The following ARHGEF3 variants were observed in gnomAD, a reference collection of about 807,000 sequenced individuals.
ARHGEF3 encodes the protein 59.8 kDA protein.
ARHGEF3 carries 28 observed loss-of-function variants against 63.2 expected under a neutral mutation model. The ratio of observed to expected loss-of-function variants is 0.44; its 90% CI spans 0.33 to 0.61. The LOEUF (loss-of-function observed/expected upper bound fraction) is 0.61, where lower values mean the gene tolerates loss of function less well. Among genes scored for constraint, ARHGEF3 ranks in the 20% least tolerant of loss-of-function variants. The pLI, the probability that ARHGEF3 is intolerant of heterozygous loss-of-function variation, is 0.03. For missense variants in ARHGEF3, 533 were observed against 659.3 expected (o/e 0.81, Z 2.10); for synonymous variants, 266 against 254.2 (o/e 1.05, Z -0.44).
chr3:56,793,290 C>T (rs2037182221), intron 1 of ARHGEF3, among the ~76,000 whole-genome samples: 1 of 152,178 alleles, frequency 6.6e-6, no homozygotes, highest in African/African-American at 2.4e-5. Flanking sequence ...CTGCCTCAGC[C>T]TCCCGAGTAG....
At chr3:56,966,416 T>C (rs1243531744) in intron 2 of ARHGEF3, among the ~76,000 whole-genome samples, 2 of 152,258 alleles carry the variant, frequency 1.3e-5, no homozygotes, top group African/African-American at 4.8e-5. Context: ...CTTTATATTA[T>C]GTATTTCTTA....
At chr3:57,074,152 C>T (rs750206606) in intron 1 of ARHGEF3, 2 of 1,614,108 alleles carry the variant, frequency 1.2e-6, no homozygotes, top group Non-Finnish European at 8.5e-7. Flanking sequence ...GATATAGATG[C>T]CGAGCCCAGT....
At chr3:56,868,912 G>A (rs1159611469) in intron 4 of ARHGEF3, among the ~76,000 whole-genome samples, 3 of 152,136 alleles carry the variant, frequency 2.0e-5, no homozygotes, top group Non-Finnish European at 4.4e-5. Flanking sequence ...ATGATGTATG[G>A]CAGAGCTCAG....
In ARHGEF3 at chr3:56,789,912, A is replaced by C. The variant is rs1559941457; in HGVS notation, c.96+11791T>G. 2.6e-5 allele frequency among the ~76,000 whole-genome samples: 4 copies of C among 152,238 alleles called. No individual in the cohort carries two copies. In the South Asian group the frequency reaches 8.3e-4, roughly 31 times the overall value. ...TTAAAGACACACTAATTCCAAGTGG[A>C]AACTTGAAATAATCAGAAGGATCAG... On this transcript the variant is annotated intron_variant, in intron 1 of 9. Transcript: ENST00000296315.
intron 4 of ARHGEF3, among the ~76,000 whole-genome samples, chr3:56,878,304 G>T (rs895464907): frequency 6.6e-6 from 1 of 152,162 alleles, no homozygotes. Flanking sequence ...GGGGAGATTC[G>T]TAGGTGGCTG....
At chr3:56,867,781 A>G (rs2108212901) in intron 4 of ARHGEF3, among the ~76,000 whole-genome samples, 1 of 152,282 alleles carries the variant, frequency 6.6e-6, no homozygotes, top group East Asian at 1.9e-4. Flanking sequence ...TGGAAATGCT[A>G]TTTCACATAG....
intron 7 of ARHGEF3, among the ~76,000 whole-genome samples, chr3:56,739,805 CAGA>C (rs1383079608): frequency 6.6e-6 from 1 of 152,142 alleles, no homozygotes; most frequent in East Asian, 1.9e-4. Context: ...ACAAGTTTGA[CAGA>C]AGATCTTACA....
chr3:57,060,593 T>A (rs555475088), intron 1 of ARHGEF3: 1 of 152,368 alleles, frequency 6.6e-6, no homozygotes, highest in Admixed American at 6.5e-5. Context: ...TGCTGGGAGT[T>A]GAGCTGTGAC....
intron 4 of ARHGEF3, among the ~76,000 whole-genome samples, chr3:56,811,634 C>T (rs1371746776): frequency 6.6e-6 from 1 of 152,152 alleles, no homozygotes; most frequent in Non-Finnish European, 1.5e-5. Context: ...AAGACAGTTT[C>T]TGCTTTACTT....
At chr3:56,897,454 G>C (rs1176767394) in intron 3 of ARHGEF3, among the ~76,000 whole-genome samples, 1 of 152,098 alleles carries the variant, frequency 6.6e-6, no homozygotes, top group Non-Finnish European at 1.5e-5. Context: ...TGCTACGGGG[G>C]TGCCACTGCT....
chr3:57,051,313 C>A (rs1313361737), intron 1 of ARHGEF3, among the ~76,000 whole-genome samples: 1 of 151,914 alleles, frequency 6.6e-6, no homozygotes, highest in Non-Finnish European at 1.5e-5. Flanking sequence ...CATGGAGAAA[C>A]CCCATCTCTA....
At chr3:57,013,340 AG>A (rs1702791968) in intron 2 of ARHGEF3, among the ~76,000 whole-genome samples, 1 of 152,224 alleles carries the variant, frequency 6.6e-6, no homozygotes, top group Admixed American at 6.5e-5. Context: ...TGAGTCCAGT[AG>A]GGGCTTGGAG....
At chr3:56,757,438 C>T (rs531959628) in intron 2 of ARHGEF3, among the ~76,000 whole-genome samples, 2 of 151,922 alleles carry the variant, frequency 1.3e-5, no homozygotes, top group South Asian at 4.2e-4. Context: ...CGTGCCACTG[C>T]ACTCCAGTCT....
rs550669721 is a variant in ARHGEF3 at position 57,076,522 on chromosome 3, A to G, written c.-28+2704T>C. On this transcript the variant is annotated intron_variant, in intron 1 of 12. Coordinates refer to the ARHGEF3 transcript ENST00000338458. ...TCTGGTTCTCTGCCCCCTCTCCTCC[A>G]ATGGTTCTCTGTCCCCTCTCCTCCA... Among the ~76,000 whole-genome samples the G allele has an allele frequency of 4.1e-4, 63 of 152,172 alleles. No individual in the cohort carries two copies. In the South Asian group the frequency reaches 0.013, roughly 31 times the overall value.
intron 2 of ARHGEF3, among the ~76,000 whole-genome samples, chr3:57,017,032 TCA>T (rs1553806980): frequency 0.033 from 3,447 of 104,216 alleles, 98 homozygotes; most frequent in African/African-American, 0.092. Flanking sequence ...TCTCTCTCTC[TCA>T]CACACACACA....
intron 7 of ARHGEF3, among the ~76,000 whole-genome samples, chr3:56,741,184 C>CTTTTTTTTTTTTT (rs10662620): frequency 7.8e-6 from 1 of 128,872 alleles, no homozygotes; most frequent in Non-Finnish European, 1.6e-5. Context: ...TGCTTTGGTT[C>CTTTTTTTTTTTTT]TTTTTTTTTT....
At chr3:56,957,694 A>C (rs1284146736) in intron 3 of ARHGEF3, among the ~76,000 whole-genome samples, 1 of 152,132 alleles carries the variant, frequency 6.6e-6, no homozygotes, top group Non-Finnish European at 1.5e-5. Context: ...TTCTTCCAAG[A>C]GGAGGTGATG....
chr3:56,881,370 C>T (rs904069227), intron 4 of ARHGEF3, among the ~76,000 whole-genome samples: 2 of 152,106 alleles, frequency 1.3e-5, no homozygotes, highest in African/African-American at 4.8e-5. Flanking sequence ...TGGTTAAACC[C>T]CAGGGATGTG....
intron 3 of ARHGEF3, among the ~76,000 whole-genome samples, chr3:56,928,396 T>G (rs2042329689): frequency 6.6e-6 from 1 of 152,134 alleles, no homozygotes; most frequent in African/African-American, 2.4e-5. Flanking sequence ...CTGGGTCCGT[T>G]CTGCTCCCAC....
Sources: gnomAD v4.1 joint callset for allele counts (sites outside exome capture counted in the v4.1 genomes callset) on GRCh38, gnomAD v4.1.1 for gene constraint, MANE v1.5 for transcripts, NCBI Gene and HGNC (gene_info 2026-07-23, HGNC 2026-07-21) for gene names.